The following CPPED1 variants were observed in gnomAD, a reference collection of about 807,000 sequenced individuals.
CPPED1 encodes the protein serine/threonine-protein phosphatase CPPED1.
CPPED1 carries 28 observed loss-of-function variants against 28.0 expected under a neutral mutation model. The ratio of observed to expected loss-of-function variants is 1.00; its 90% CI spans 0.74 to 1.37. The LOEUF (loss-of-function observed/expected upper bound fraction) is 1.37, where lower values mean the gene tolerates loss of function less well. Ranked by LOEUF, CPPED1 falls within the 40% of genes most tolerant of loss-of-function variation. The pLI, the probability that CPPED1 is intolerant of heterozygous loss-of-function variation, is 0.00. For missense variants in CPPED1, 504 were observed against 416.5 expected (o/e 1.21, Z -1.83); for synonymous variants, 198 against 180.2 (o/e 1.10, Z -0.79).
At chr16:12,796,877 G>C (rs1024566071) in intron 1 of CPPED1, among the ~76,000 whole-genome samples, 2 of 152,104 alleles carry the variant, frequency 1.3e-5, no homozygotes, top group Admixed American at 1.3e-4. Context: ...TCAATAGGTG[G>C]TCGGATAAAC....
At chr16:12,763,965 C>T (rs1433409954) in intron 2 of CPPED1, among the ~76,000 whole-genome samples, 2 of 152,004 alleles carry the variant, frequency 1.3e-5, no homozygotes, top group African/African-American at 4.8e-5. Context: ...TCTGCATATC[C>T]TGCTATGGAA....
intron 2 of CPPED1, among the ~76,000 whole-genome samples, chr16:12,729,461 C>G (rs1171927393): frequency 6.6e-6 from 1 of 152,158 alleles, no homozygotes; most frequent in Non-Finnish European, 1.5e-5. Flanking sequence ...CAGACTGTAC[C>G]TTCAGTTTGA....
At chr16:12,726,977 T>A (rs2080173369) in intron 2 of CPPED1, among the ~76,000 whole-genome samples, 1 of 152,096 alleles carries the variant, frequency 6.6e-6, no homozygotes. Context: ...CACATGAGGC[T>A]TATGCCAGAG....
intron 3 of CPPED1, among the ~76,000 whole-genome samples, chr16:12,686,727 G>A (rs1386854784): frequency 6.6e-6 from 1 of 152,152 alleles, no homozygotes; most frequent in African/African-American, 2.4e-5. Flanking sequence ...AGAACCAGAC[G>A]ACAGACATGA....
At chr16:12,689,630 G>A (rs1187545495) in intron 3 of CPPED1, among the ~76,000 whole-genome samples, 1 of 152,028 alleles carries the variant, frequency 6.6e-6, no homozygotes, top group African/African-American at 2.4e-5. Context: ...GCACCTGTAT[G>A]TGAGACCACA....
chr16:12,787,958 A>C (rs916377314), intron 1 of CPPED1, among the ~76,000 whole-genome samples: 2 of 152,150 alleles, frequency 1.3e-5, no homozygotes, highest in Non-Finnish European at 2.9e-5. Context: ...TCCGTTTCCA[A>C]GCTCACTTAC....
At chr16:12,733,950 T>C (rs1474929369) in intron 2 of CPPED1, among the ~76,000 whole-genome samples, 1 of 149,990 alleles carries the variant, frequency 6.7e-6, no homozygotes, top group Non-Finnish European at 1.5e-5. Context: ...TTGCTTCCTA[T>C]AAAACAGCAA....
intron 2 of CPPED1, among the ~76,000 whole-genome samples, chr16:12,723,160 T>G (rs1349454118): frequency 6.6e-6 from 1 of 152,190 alleles, no homozygotes; most frequent in Non-Finnish European, 1.5e-5. Flanking sequence ...TGCACACATA[T>G]AGTGCACACA....
intron 3 of CPPED1, among the ~76,000 whole-genome samples, chr16:12,696,338 G>C (rs910370542): frequency 1.3e-5 from 2 of 152,030 alleles, no homozygotes; most frequent in African/African-American, 4.8e-5. Context: ...AAGCACATTT[G>C]CCTGCTGTGG....
intron 2 of CPPED1, among the ~76,000 whole-genome samples, chr16:12,762,719 C>G (rs1453563903): frequency 6.6e-6 from 1 of 152,028 alleles, no homozygotes; most frequent in African/African-American, 2.4e-5. Flanking sequence ...CTAACAGGGA[C>G]GGAGTTTCTT....
chr16:12,786,805 GCTA>G (rs1449624168), intron 1 of CPPED1, among the ~76,000 whole-genome samples: 5 of 152,206 alleles, frequency 3.3e-5, no homozygotes, highest in Admixed American at 1.3e-4. Flanking sequence ...TGTAGTCCCA[GCTA>G]CTCAGGAGGC....
chr16:12,754,960 G>A (rs1377527885), intron 2 of CPPED1, among the ~76,000 whole-genome samples: 1 of 152,146 alleles, frequency 6.6e-6, no homozygotes, highest in African/African-American at 2.4e-5. Flanking sequence ...GTAGTGAGCC[G>A]TGACTACAGC....
At chr16:12,715,750 A>AC (rs901055921) in intron 2 of CPPED1, among the ~76,000 whole-genome samples, 1 of 151,686 alleles carries the variant, frequency 6.6e-6, no homozygotes. Context: ...CTGGTCTCGA[A>AC]CCCCCGACCT....
intron 2 of CPPED1, among the ~76,000 whole-genome samples, chr16:12,735,435 G>C (rs1356103993): frequency 6.6e-6 from 1 of 152,232 alleles, no homozygotes; most frequent in Admixed American, 6.5e-5. Context: ...CTCCTGAGTA[G>C]ATGGGATTAC....
At chr16:12,712,268 C>T (rs1269058418) in intron 2 of CPPED1, among the ~76,000 whole-genome samples, 1 of 152,154 alleles carries the variant, frequency 6.6e-6, no homozygotes, top group Non-Finnish European at 1.5e-5. Flanking sequence ...GGGCTCCGTC[C>T]CTACCTGCAG....
Position 12,697,016 on chromosome 16 carries a change from T to C in CPPED1, c.715+7608A>G, listed in dbSNP as rs141207496. On this transcript the variant is annotated intron_variant, in intron 3 of 3. Transcript: ENST00000381774. ...CTCATACTACTATTTACTGAATCAT[T>C]TTCTTTATTTTTATTTTTTATTTTT... 1.7e-3 allele frequency among the ~76,000 whole-genome samples: 266 copies of C among 152,164 alleles called. 2 individuals carry two copies. The highest frequency in any genetic ancestry group is 6.1e-3 in the African/African-American group (252 of 41,510).
intron 2 of CPPED1, among the ~76,000 whole-genome samples, chr16:12,724,372 C>T (rs1156262400): frequency 2.0e-5 from 3 of 152,184 alleles, no homozygotes; most frequent in Non-Finnish European, 2.9e-5. Context: ...CTCCTTCTCC[C>T]GGGGCTACAG....
intron 2 of CPPED1, among the ~76,000 whole-genome samples, chr16:12,757,184 G>T (rs951386219): frequency 6.6e-6 from 1 of 152,112 alleles, no homozygotes; most frequent in African/African-American, 2.4e-5. Flanking sequence ...ATAGCACCTC[G>T]AGGGTGACCA....
intron 2 of CPPED1, among the ~76,000 whole-genome samples, chr16:12,713,815 T>C (rs1393237624): frequency 4.0e-5 from 6 of 151,294 alleles, no homozygotes; most frequent in Non-Finnish European, 8.8e-5. Flanking sequence ...ACAATATAAT[T>C]CATCCTCTGA....
Sources: gnomAD v4.1 joint callset for allele counts (sites outside exome capture counted in the v4.1 genomes callset) on GRCh38, gnomAD v4.1.1 for gene constraint, MANE v1.5 for transcripts, NCBI Gene and HGNC (gene_info 2026-07-23, HGNC 2026-07-21) for gene names.